Variants in DIP2C observed in about 807,000 individuals in gnomAD.
DIP2C encodes the protein disco-interacting protein 2 homolog C.
Under a neutral mutation model 192.4 loss-of-function variants are expected in DIP2C, and 33 were observed. That is an observed-to-expected ratio of 0.17 (90% CI 0.13 to 0.23). The LOEUF (loss-of-function observed/expected upper bound fraction) is 0.23. DIP2C is among the 10% of genes least tolerant of loss of function. The pLI is 1.00. For missense variants in DIP2C, 1,537 were observed against 2,110.1 expected (o/e 0.73, Z 5.32); for synonymous variants, 979 against 864.1 (o/e 1.13, Z -2.33).
intron 1 of DIP2C, among the ~76,000 whole-genome samples, chr10:589,683 T>G (rs769493086): frequency 6.6e-6 from 1 of 152,154 alleles, no homozygotes; most frequent in Non-Finnish European, 1.5e-5. Flanking sequence ...GGATGTCTCT[T>G]TGTGAAAAAA....
chr10:582,730 C>G (rs1717243445), intron 1 of DIP2C, among the ~76,000 whole-genome samples: 1 of 152,204 alleles, frequency 6.6e-6, no homozygotes, highest in African/African-American at 2.4e-5. Flanking sequence ...TTGTGAGACC[C>G]TGTGCTTGGG....
At chr10:419,277 A>G in intron 5 of DIP2C, 78 bp from the exon 6 acceptor site, 1 of 1,596,980 alleles carries the variant, frequency 6.3e-7, no homozygotes, top group Non-Finnish European at 8.5e-7. Flanking sequence ...CAGCCCAGGA[A>G]GAGACTGAAG....
At chr10:502,562 T>G (rs1346893924) in intron 1 of DIP2C, among the ~76,000 whole-genome samples, 3 of 151,738 alleles carry the variant, frequency 2.0e-5, no homozygotes, top group Non-Finnish European at 2.9e-5. Context: ...AGGAGGAAAC[T>G]CAAGTCACAC....
chr10:671,996 T>C lies in DIP2C; in HGVS notation c.85+17498A>G, dbSNP rs1349018659. ...ACACACGGAAGGAGGAAACAGGCCATAGACGCACGGACGGAGGAAAAGCCA... is the reference window on the plus strand; with the variant it reads ...ACACACGGAAGGAGGAAACAGGCCACAGACGCACGGACGGAGGAAAAGCCA... On this transcript the variant is annotated intron_variant, in intron 1 of 36. Coordinates refer to ENST00000280886, the MANE Select transcript of DIP2C (RefSeq NM_014974.3). Among the ~76,000 whole-genome samples, 107 of 44,128 alleles carry C rather than the reference T, an allele frequency of 2.4e-3. 1 individual carries two copies. Among genetic ancestry groups the C allele is most frequent in the Non-Finnish European group, 2.8e-3 (66 of 23,320 alleles). 28.9% of individuals were successfully genotyped at this position (44,128 alleles called of 152,430 possible). A position where few individuals can be genotyped will look rare whatever the true frequency, so the allele number is the denominator to read the frequency against.
chr10:329,722 C>T, intron 29 of DIP2C, 121 bp from the exon 30 acceptor site: 1 of 1,284,762 alleles, frequency 7.8e-7, no homozygotes, highest in Middle Eastern at 2.2e-4. Context: ...GCCCGTGCTG[C>T]CATCTGTAGA....
At chr10:393,703 C>A (rs1292613210) in intron 10 of DIP2C, among the ~76,000 whole-genome samples, 1 of 135,404 alleles carries the variant, frequency 7.4e-6, no homozygotes, top group African/African-American at 2.8e-5. Context: ...AGCTTGAACC[C>A]GGGAAGCGGA....
At chr10:640,715 CTG>C (rs1564295077) in intron 1 of DIP2C, among the ~76,000 whole-genome samples, 1 of 117,292 alleles carries the variant, frequency 8.5e-6, no homozygotes, top group Non-Finnish European at 1.7e-5. Context: ...GGGGAAGAGG[CTG>C]CGCGCGGGGA....
chr10:540,677 A>G (rs1301598947), intron 1 of DIP2C, among the ~76,000 whole-genome samples: 2 of 152,200 alleles, frequency 1.3e-5, no homozygotes, highest in African/African-American at 4.8e-5. Context: ...CAAATCGTAC[A>G]CTTAAAAATG....
intron 1 of DIP2C, among the ~76,000 whole-genome samples, chr10:500,005 G>A (rs11252809): frequency 0.18 from 27,480 of 152,200 alleles, 5,016 homozygotes; most frequent in African/African-American, 0.47. Flanking sequence ...GCTCTTGCTC[G>A]GGTGGATTTT....
At chr10:449,265 G>A (rs1185512886) in intron 3 of DIP2C, among the ~76,000 whole-genome samples, 1 of 152,132 alleles carries the variant, frequency 6.6e-6, no homozygotes, top group Non-Finnish European at 1.5e-5. Flanking sequence ...GGACTTTCAA[G>A]CTCATCTTGT....
rs398045806 is a variant in DIP2C, at chr10:534,671, AT to A, written c.86-48142del. Among the ~76,000 whole-genome samples, 292 of 101,814 alleles carry A rather than the reference AT, an allele frequency of 2.9e-3. 2 individuals are homozygous for A. The highest frequency in any genetic ancestry group is 0.012 in the East Asian group (54 of 4,392). 66.8% of individuals were successfully genotyped at this position (101,814 alleles called of 152,430 possible). A position where few individuals can be genotyped will look rare whatever the true frequency, so the allele number is the denominator to read the frequency against. ...AGTGTTTGTCTGCTGGATGATTATTATTTTTTTTTTTTTTTTGAGACGGAGT... is the reference window on the plus strand; with the variant it reads ...AGTGTTTGTCTGCTGGATGATTATTATTTTTTTTTTTTTTTGAGACGGAGT... On this transcript the variant is annotated intron_variant, in intron 1 of 36. Transcript: ENST00000280886.
intron 7 of DIP2C, among the ~76,000 whole-genome samples, chr10:414,742 C>CGTGT (rs1564679999): frequency 0.049 from 5,503 of 112,464 alleles, 507 homozygotes; most frequent in East Asian, 0.14. Flanking sequence ...TGTGTGTGTA[C>CGTGT]ATATATATAT....
At chr10:597,370 C>G (rs775009193) in intron 1 of DIP2C, among the ~76,000 whole-genome samples, 4 of 146,576 alleles carry the variant, frequency 2.7e-5, no homozygotes, top group African/African-American at 1.1e-4. Flanking sequence ...CGGGCTGGCT[C>G]TGTCTCTCTG....
chr10:357,962 A>G, intron 22 of DIP2C, 25 bp from the exon 23 acceptor site: 3 of 1,572,588 alleles, frequency 1.9e-6, no homozygotes, highest in Non-Finnish European at 2.6e-6. Context: ...AGACATGGCC[A>G]TGAGGAAACA....
intron 1 of DIP2C, among the ~76,000 whole-genome samples, chr10:564,933 T>TA (rs1849384264): frequency 6.6e-6 from 1 of 152,190 alleles, no homozygotes; most frequent in Non-Finnish European, 1.5e-5. Context: ...ACCTTTACAA[T>TA]AAATCCAAGC....
intron 33 of DIP2C, among the ~76,000 whole-genome samples, chr10:288,075 G>A (rs1955247016): frequency 6.6e-6 from 1 of 152,166 alleles, no homozygotes; most frequent in Non-Finnish European, 1.5e-5. Flanking sequence ...TTCAGCTCCT[G>A]AGGGGCCCCT....
At chr10:351,662 A>G (rs1229193782) in intron 24 of DIP2C, among the ~76,000 whole-genome samples, 3 of 152,236 alleles carry the variant, frequency 2.0e-5, no homozygotes, top group Non-Finnish European at 4.4e-5. Context: ...AGGTGGCAGC[A>G]GAGATGGGCA....
intron 5 of DIP2C, 121 bp downstream of exon 5, chr10:422,703 G>T: frequency 1.6e-6 from 2 of 1,225,620 alleles, no homozygotes; most frequent in African/African-American, 1.5e-5. Context: ...CACCCCAGGG[G>T]CCAGAGGAGC....
intron 2 of DIP2C, among the ~76,000 whole-genome samples, chr10:473,422 GCT>G (rs1970801295): frequency 1.3e-5 from 2 of 151,764 alleles, no homozygotes; most frequent in African/African-American, 4.9e-5. Context: ...TCCGTGAACG[GCT>G]CTGATACCAC....
Sources: gnomAD v4.1 joint callset for allele counts (sites outside exome capture counted in the v4.1 genomes callset) on GRCh38, gnomAD v4.1.1 for gene constraint, MANE v1.5 for transcripts, NCBI Gene and HGNC (gene_info 2026-07-23, HGNC 2026-07-21) for gene names.